Variants in CNDP2 observed in about 807,000 individuals in gnomAD.
CNDP2 encodes carnosine dipeptidase 2, also known as cytosolic non-specific dipeptidase.
Under a neutral mutation model 55.0 loss-of-function variants are expected in CNDP2, and 38 were observed. The ratio of observed to expected loss-of-function variants is 0.69; its 90% CI spans 0.53 to 0.90. CNDP2 has a LOEUF of 0.90. Ranked by LOEUF, CNDP2 falls within the 40% of genes least tolerant of loss-of-function variation. CNDP2 has a pLI of 0.00. For synonymous variants in CNDP2, 241 were observed against 260.2 expected (o/e 0.93, Z 0.71); for missense variants, 607 against 621.7 (o/e 0.98, Z 0.25).
At position 74,518,622 on chromosome 18, in the gene CNDP2, A is replaced by G. The variant is rs757064407; in HGVS notation, c.1192A>G (p.Arg398Gly). ...DFSHPHYLAG[R>G]RAMKTVFGVE... The stretch of plus-strand genomic sequence containing the variant: ...CAGTCACCCTCATTACCTGGCTGGG[A>G]GAAGAGCCATGAAGACAGGTTGGAC... The change falls in exon 10 of 12, where the codon AGA becomes GGA. Residue 398 changes from arginine to glycine, a missense_variant. By Grantham distance (125) the Arg-to-Gly change is moderately radical. Coordinates refer to ENST00000324262, the MANE Select transcript of CNDP2 (RefSeq NM_018235.3). 4 of 1,614,192 alleles carry G rather than the reference A, an allele frequency of 2.5e-6. No homozygotes were observed. The highest frequency in any genetic ancestry group is 2.2e-5 in the South Asian group (2 of 91,082).
chr18:74,512,343 G>A, intron 6 of CNDP2, 105 bp from the exon 7 acceptor site: 1 of 1,060,310 alleles, frequency 9.4e-7, no homozygotes, highest in Non-Finnish European at 1.4e-6. Context: ...TTTTGATTTG[G>A]GAAATTGTCA....
At chr18:74,510,722 C>A in intron 5 of CNDP2, 91 bp from the exon 6 acceptor site, 1 of 1,130,530 alleles carries the variant, frequency 8.8e-7, no homozygotes, top group Non-Finnish European at 1.3e-6. Context: ...CTGGAGAATG[C>A]CGGAGATGTG....
At position 74,512,491 on chromosome 18, in the gene CNDP2, G is replaced by A. The variant is rs751833871; in HGVS notation, c.701G>A (p.Gly234Asp). 4 of 1,614,020 alleles carry A rather than the reference G, an allele frequency of 2.5e-6. No homozygotes were observed. Among genetic ancestry groups the A allele is most frequent in the East Asian group, 2.2e-5 (1 of 44,870 alleles). Residue 234 changes from glycine to aspartate, a missense_variant, in exon 7 of 12, where the codon GGC becomes GAC. Physicochemically the swap from Gly to Asp is moderately conservative, Grantham distance 94. Coordinates refer to ENST00000324262, the MANE Select transcript of CNDP2 (RefSeq NM_018235.3). ...GACCTCCATTCTGGGGTGTACGGGG[G>A]CTCGGTGCATGAGGCCATGACTGAT... is the stretch of plus-strand genomic sequence containing the variant. ...NKDLHSGVYG[G>D]SVHEAMTDLI...
chr18:74,510,085 G>A (rs1390819764), intron 5 of CNDP2, among the ~76,000 whole-genome samples: 2 of 152,236 alleles, frequency 1.3e-5, no homozygotes, highest in South Asian at 2.1e-4. Context: ...GGGCAACCAA[G>A]TGTGACAGGT....
At position 74,520,227 on chromosome 18, in the gene CNDP2, C is replaced by G; in HGVS notation, c.*159C>G. ...AGACACAAGTGTATCCAGCTGTCCA[C>G]GGGTGGAGCTACCCGTTGGGCTTAT... On this transcript the variant is annotated 3_prime_UTR_variant, in exon 12 of 12. Coordinates refer to ENST00000324262, the MANE Select transcript of CNDP2 (RefSeq NM_018235.3). The G allele has an allele frequency of 1.5e-6, 1 of 663,062 alleles. No homozygotes were observed. Among genetic ancestry groups the G allele is most frequent in the Non-Finnish European group, 2.6e-6 (1 of 386,218 alleles). 41.1% of individuals were successfully genotyped at this position (663,062 alleles called of 1,614,324 possible). A position where few individuals can be genotyped will look rare whatever the true frequency, so the allele number is the denominator to read the frequency against.
At chr18:74,499,355 C>T (rs77042279) in intron 1 of CNDP2, 3,606 of 152,570 alleles carry the variant, frequency 0.024, 64 homozygotes, top group Non-Finnish European at 0.035. Flanking sequence ...CGCGCTGGAG[C>T]CTGTGTGGCC....
intron 5 of CNDP2, among the ~76,000 whole-genome samples, 161 bp from the exon 6 acceptor site, chr18:74,510,652 G>C (rs577342971): frequency 6.6e-6 from 1 of 152,224 alleles, no homozygotes; most frequent in Non-Finnish European, 1.5e-5. Flanking sequence ...AGCCACAGCG[G>C]CCTGGCAGTA....
In CNDP2 at chr18:74,518,632, T is replaced by C. The variant is rs767325667; in HGVS notation, c.1202T>C (p.Met401Thr). Residue 401 changes from methionine to threonine, a missense_variant, in exon 10 of 12, where the codon ATG becomes ACG. Transcript: ENST00000324262. ...HPHYLAGRRA[M>T]KTVFGVEPDL... ...CATTACCTGGCTGGGAGAAGAGCCA[T>C]GAAGACAGGTTGGACGCTCTCCTTG... 17 of 1,614,032 alleles carry C rather than the reference T, an allele frequency of 1.1e-5. No homozygotes were observed. Among genetic ancestry groups the C allele is most frequent in the Admixed American group, 8.3e-5 (5 of 60,010 alleles).
intron 4 of CNDP2, 79 bp downstream of exon 4, chr18:74,506,090 T>C: frequency 7.7e-7 from 1 of 1,290,778 alleles, no homozygotes; most frequent in Non-Finnish European, 1.0e-6. Context: ...TTTTTCTGTT[T>C]CCAGTACAGA....
chr18:74,519,403 A>C, intron 11 of CNDP2, among the ~76,000 whole-genome samples: 1 of 152,132 alleles, frequency 6.6e-6, no homozygotes, highest in East Asian at 1.9e-4. Flanking sequence ...TGTCATTGCT[A>C]ACTGCACACG....
At chr18:74,506,257 C>T (rs1028698804) in intron 4 of CNDP2, among the ~76,000 whole-genome samples, 5 of 152,318 alleles carry the variant, frequency 3.3e-5, no homozygotes, top group Admixed American at 2.6e-4. Context: ...GCCTCAGCCT[C>T]CCCAGTAGCT....
intron 3 of CNDP2, among the ~76,000 whole-genome samples, chr18:74,501,839 C>G (rs1370342071): frequency 2.0e-5 from 3 of 152,104 alleles, no homozygotes; most frequent in Non-Finnish European, 4.4e-5. Flanking sequence ...AAAGACTCCC[C>G]CCAACCCCCG....
In CNDP2 at chr18:74,518,333, C is replaced by G. The variant is rs1260732304; in HGVS notation, c.1069-166C>G. 3 of 639,482 alleles carry G rather than the reference C, an allele frequency of 4.7e-6. No individual in the cohort carries two copies. In the African/African-American group the frequency reaches 5.5e-5, roughly 12 times the overall value. 39.6% of individuals were successfully genotyped at this position (639,482 alleles called of 1,614,324 possible). A position where few individuals can be genotyped will look rare whatever the true frequency, so the allele number is the denominator to read the frequency against. On this transcript the variant is annotated intron_variant, in intron 9 of 11. Transcript: ENST00000324262. Reference sequence around the variant, plus strand: ...AGTTATGTAGCTCAGTATTAAGCAACAGAAAATGAGACTCATCGTAGACTC... The same window carrying G: ...AGTTATGTAGCTCAGTATTAAGCAAGAGAAAATGAGACTCATCGTAGACTC...
At chr18:74,505,725 T>G (rs1978975228) in intron 3 of CNDP2, 124 bp from the exon 4 acceptor site, 1 of 1,039,462 alleles carries the variant, frequency 9.6e-7, no homozygotes, top group South Asian at 1.6e-5. Context: ...GCTCTTAAAC[T>G]CTACAATAGA....
In CNDP2 at chr18:74,502,596, G is replaced by A. The variant is rs537628261; in HGVS notation, c.204+1124G>A. Among the ~76,000 whole-genome samples, 3 of 151,846 alleles carry A rather than the reference G, an allele frequency of 2.0e-5. No individual in the cohort carries two copies. In the East Asian group the frequency reaches 5.8e-4, roughly 29 times the overall value. Reference sequence around the variant, plus strand: ...ACGCCACCATACCCGGCCTCTTACTGTATGTTATTTCACTAGTTTATTTCA... The same window carrying A: ...ACGCCACCATACCCGGCCTCTTACTATATGTTATTTCACTAGTTTATTTCA... On this transcript the variant is annotated intron_variant, in intron 3 of 11. Transcript: ENST00000324262.
chr18:74,508,706 G>A, intron 4 of CNDP2, 134 bp from the exon 5 acceptor site: 1 of 663,250 alleles, frequency 1.5e-6, no homozygotes, highest in Admixed American at 2.5e-5. Flanking sequence ...GGTGGAAATT[G>A]GGGGCTCCTG....
intron 5 of CNDP2, chr18:74,509,170 C>T (rs761014493): frequency 1.7e-5 from 8 of 481,994 alleles, no homozygotes; most frequent in South Asian, 1.3e-4. Flanking sequence ...GGCGACTCAG[C>T]GTGATTTTTG....
At chr18:74,508,793 G>A in intron 4 of CNDP2, 47 bp from the exon 5 acceptor site, 1 of 1,511,340 alleles carries the variant, frequency 6.6e-7, no homozygotes, top group Non-Finnish European at 9.2e-7. Context: ...GCTGCTTCTG[G>A]GTTCCTTGTA....
At chr18:74,519,640 C>G (rs1328890269) in intron 11 of CNDP2, among the ~76,000 whole-genome samples, 3 of 152,148 alleles carry the variant, frequency 2.0e-5, no homozygotes, top group African/African-American at 7.2e-5. Flanking sequence ...AAGACAGAGG[C>G]AAAGACCCTG....
Sources: gnomAD v4.1 joint callset for allele counts (sites outside exome capture counted in the v4.1 genomes callset) on GRCh38, gnomAD v4.1.1 for gene constraint, MANE v1.5 for transcripts, NCBI Gene and HGNC (gene_info 2026-07-23, HGNC 2026-07-21) for gene names.